SPATS2: variants seen among roughly 807,000 people sequenced by gnomAD.
SPATS2 encodes the protein spermatogenesis associated serine rich 2, also known as spermatogenesis-associated serine-rich protein 2.
In SPATS2, 38 loss-of-function variants were observed where a neutral mutation model predicts 63.7. The ratio of observed to expected loss-of-function variants is 0.60; its 90% CI spans 0.46 to 0.78. The LOEUF is 0.78. Among genes scored for constraint, SPATS2 ranks in the 30% least tolerant of loss-of-function variants. The pLI is 0.00. For missense variants in SPATS2, 588 were observed against 666.2 expected (o/e 0.88, Z 1.29); for synonymous variants, 207 against 232.9 (o/e 0.89, Z 1.01).
intron 3 of SPATS2, among the ~76,000 whole-genome samples, chr12:49,467,801 C>T (rs1346822591): frequency 6.6e-6 from 1 of 151,820 alleles, no homozygotes; most frequent in African/African-American, 2.4e-5. Flanking sequence ...CCTCCTGGGT[C>T]TATGCCATTC....
intron 2 of SPATS2, among the ~76,000 whole-genome samples, chr12:49,415,291 C>T (rs1190069677): frequency 6.6e-6 from 1 of 151,656 alleles, no homozygotes; most frequent in South Asian, 2.1e-4. Context: ...GTGATCCACC[C>T]ACCTCGGCCT....
intron 2 of SPATS2, among the ~76,000 whole-genome samples, chr12:49,422,728 A>G (rs960179559): frequency 6.6e-6 from 1 of 152,070 alleles, no homozygotes; most frequent in African/African-American, 2.4e-5. Flanking sequence ...GCAAGGCAAC[A>G]TTGTGAAACC....
intron 9 of SPATS2, 129 bp downstream of exon 9, chr12:49,500,334 G>T: frequency 4.7e-6 from 5 of 1,061,322 alleles, no homozygotes; most frequent in East Asian, 2.7e-5. Flanking sequence ...TAAATCCTAT[G>T]GTATATTTAG....
chr12:49,472,165 T>C (rs948406266), intron 3 of SPATS2, among the ~76,000 whole-genome samples: 1 of 151,976 alleles, frequency 6.6e-6, no homozygotes, highest in African/African-American at 2.4e-5. Context: ...AACAAAAATT[T>C]ATTATTGAAA....
chr12:49,511,619 T>C (rs1386411243), intron 9 of SPATS2, among the ~76,000 whole-genome samples: 1 of 152,188 alleles, frequency 6.6e-6, no homozygotes, highest in Non-Finnish European at 1.5e-5. Context: ...ATTGCTTGCC[T>C]TTCTGGCATC....
At chr12:49,373,808 G>A (rs113437879) in intron 2 of SPATS2, among the ~76,000 whole-genome samples, 7 of 151,924 alleles carry the variant, frequency 4.6e-5, no homozygotes, top group Non-Finnish European at 8.8e-5. Context: ...ACCTGTAGTC[G>A]CAGCTACTCG....
rs747475241 is a variant in SPATS2 at position 49,489,605 on chromosome 12, A to G, written c.214+32A>G. ...CTGACTTAATTTTAAAAATAAATTT[A>G]TATTTGCTCAAATAGAATTTGCTTC... is the stretch of plus-strand genomic sequence containing the variant. On this transcript the variant is annotated intron_variant, in intron 5 of 13. Transcript: ENST00000552918. 7.0e-6 allele frequency: 11 copies of G among 1,564,556 alleles called. No homozygotes were observed. The Admixed American group carries it at 1.2e-4, about 17-fold the overall frequency.
intron 2 of SPATS2, among the ~76,000 whole-genome samples, chr12:49,422,746 T>C (rs1486957072): frequency 6.6e-6 from 1 of 151,994 alleles, no homozygotes. Flanking sequence ...ACCCCATCTC[T>C]ACAAAAGATA....
At chr12:49,514,056 C>T (rs1946797948) in intron 9 of SPATS2, among the ~76,000 whole-genome samples, 1 of 151,676 alleles carries the variant, frequency 6.6e-6, no homozygotes, top group African/African-American at 2.4e-5. Context: ...ACTCGGGAGG[C>T]TGAGGCAGGA....
chr12:49,469,567 AAAAACAAAGTAAAAT>A (rs1945997710), intron 3 of SPATS2: 2 of 431,356 alleles, frequency 4.6e-6, no homozygotes, highest in East Asian at 1.4e-4. Context: ...AAAAAAAAGA[AAAAACAAAGTAAAAT>A]AAAACTTTTC....
intron 2 of SPATS2, among the ~76,000 whole-genome samples, chr12:49,444,711 C>A (rs1945481414): frequency 6.6e-6 from 1 of 151,994 alleles, no homozygotes; most frequent in Admixed American, 6.6e-5. Flanking sequence ...TCAAGCGATT[C>A]TCCTGTCTCA....
At chr12:49,484,182 A>G (rs1343032421) in intron 3 of SPATS2, among the ~76,000 whole-genome samples, 1 of 152,200 alleles carries the variant, frequency 6.6e-6, no homozygotes, top group Non-Finnish European at 1.5e-5. Flanking sequence ...TGGCTAGAAG[A>G]GGAAATAACT....
At chr12:49,383,812 A>G (rs946007347) in intron 2 of SPATS2, among the ~76,000 whole-genome samples, 1 of 152,102 alleles carries the variant, frequency 6.6e-6, no homozygotes, top group Non-Finnish European at 1.5e-5. Context: ...GTTTTAATGA[A>G]CCACTTTTTT....
intron 9 of SPATS2, among the ~76,000 whole-genome samples, chr12:49,514,017 C>T (rs1325657615): frequency 6.6e-6 from 1 of 151,950 alleles, no homozygotes; most frequent in African/African-American, 2.4e-5. Context: ...AATAGACGAG[C>T]GTGGTGGCGG....
intron 3 of SPATS2, among the ~76,000 whole-genome samples, chr12:49,480,472 ATTC>A (rs987715129): frequency 4.6e-5 from 7 of 152,030 alleles, no homozygotes; most frequent in South Asian, 2.1e-4. Flanking sequence ...TGAGATGATT[ATTC>A]TTTTTTTTTA....
At chr12:49,386,580 G>C (rs778367108) in intron 2 of SPATS2, among the ~76,000 whole-genome samples, 7 of 152,206 alleles carry the variant, frequency 4.6e-5, no homozygotes, top group Non-Finnish European at 7.3e-5. Flanking sequence ...GTTTTGCCAA[G>C]ATAGCCAAAC....
intron 2 of SPATS2, among the ~76,000 whole-genome samples, chr12:49,378,295 A>G (rs1020027693): frequency 1.4e-5 from 2 of 147,424 alleles, no homozygotes; most frequent in Non-Finnish European, 3.0e-5. Flanking sequence ...ATTTTATTTT[A>G]TTTTATTTTA....
At chr12:49,384,582 T>C (rs1944278436) in intron 2 of SPATS2, among the ~76,000 whole-genome samples, 1 of 152,188 alleles carries the variant, frequency 6.6e-6, no homozygotes. Flanking sequence ...TGCATAAATG[T>C]TTTTTGATAA....
intron 2 of SPATS2, among the ~76,000 whole-genome samples, chr12:49,443,333 A>T (rs76890508): frequency 0.017 from 2,573 of 152,262 alleles, 64 homozygotes; most frequent in African/African-American, 0.059. Context: ...TGTTGAAAAG[A>T]TTATTCTTTC....
Sources: gnomAD v4.1 joint callset for allele counts (sites outside exome capture counted in the v4.1 genomes callset) on GRCh38, gnomAD v4.1.1 for gene constraint, MANE v1.5 for transcripts, NCBI Gene and HGNC (gene_info 2026-07-23, HGNC 2026-07-21) for gene names.